Variants in PARD3 observed in about 807,000 individuals in gnomAD.
The protein encoded by PARD3 is partitioning defective 3 homolog.
PARD3 carries 75 observed loss-of-function variants against 155.4 expected under a neutral mutation model. The observed-to-expected ratio is 0.48, with a 90% CI of 0.40 to 0.58. The LOEUF (loss-of-function observed/expected upper bound fraction) is 0.58. Ranked by LOEUF, PARD3 falls within the 20% of genes least tolerant of loss-of-function variation. PARD3 has a pLI of 0.00. For synonymous variants in PARD3, 576 were observed against 610.5 expected (o/e 0.94, Z 0.83); for missense variants, 1,642 against 1,721.7 (o/e 0.95, Z 0.82).
chr10:34,442,927 A>G (rs1159592587), intron 5 of PARD3, among the ~76,000 whole-genome samples: 1 of 152,204 alleles, frequency 6.6e-6, no homozygotes, highest in Non-Finnish European at 1.5e-5. Context: ...TACTCCAGAA[A>G]ACATCTTCTT....
At chr10:34,579,212 G>A (rs1451686043) in intron 2 of PARD3, among the ~76,000 whole-genome samples, 1 of 151,738 alleles carries the variant, frequency 6.6e-6, no homozygotes, top group African/African-American at 2.4e-5. Flanking sequence ...AGAGGTTGCA[G>A]TGAGCCAAGA....
chr10:34,295,745 A>C (rs1956877463), intron 20 of PARD3, among the ~76,000 whole-genome samples: 1 of 152,176 alleles, frequency 6.6e-6, no homozygotes, highest in Non-Finnish European at 1.5e-5. Context: ...ATATACACAA[A>C]TCTCAGTGGG....
At chr10:34,791,258 G>A (rs1418335482) in intron 1 of PARD3, among the ~76,000 whole-genome samples, 1 of 152,106 alleles carries the variant, frequency 6.6e-6, no homozygotes, top group Non-Finnish European at 1.5e-5. Context: ...GCCAACGCAG[G>A]CAACCCTGAC....
At chr10:34,345,154 A>C in intron 15 of PARD3, 1 of 985,370 alleles carries the variant, frequency 1.0e-6, no homozygotes, top group Non-Finnish European at 1.2e-6. Context: ...GCCAAAAACA[A>C]AGTAAAACAA....
chr10:34,729,046 A>G lies in PARD3; in HGVS notation c.121-32627T>C, dbSNP rs529636928. Among the ~76,000 whole-genome samples the G allele has an allele frequency of 2.6e-5, 4 of 152,330 alleles. No individual in the cohort carries two copies. The East Asian group carries it at 7.7e-4, about 29-fold the overall frequency. On this transcript the variant is annotated intron_variant, in intron 1 of 24. Transcript: ENST00000374788. Reference sequence around the variant, plus strand: ...AGGCTGTACAGGTTTGCAGTCCAGGAGCAACAGGTTAGACCACACAGCCGA... The same window carrying G: ...AGGCTGTACAGGTTTGCAGTCCAGGGGCAACAGGTTAGACCACACAGCCGA...
chr10:34,526,022 C>T (rs1051616116), intron 2 of PARD3, among the ~76,000 whole-genome samples: 7 of 130,150 alleles, frequency 5.4e-5, no homozygotes, highest in East Asian at 2.5e-4. Context: ...ATGGAGGTTG[C>T]GGTGAGCCAA....
intron 1 of PARD3, among the ~76,000 whole-genome samples, chr10:34,789,453 T>C (rs1841387055): frequency 6.6e-6 from 1 of 152,078 alleles, no homozygotes; most frequent in African/African-American, 2.4e-5. Context: ...ATCGAAACAC[T>C]TTGGCTGGCC....
intron 20 of PARD3, among the ~76,000 whole-genome samples, chr10:34,316,028 C>G (rs1311367144): frequency 6.6e-6 from 1 of 152,214 alleles, no homozygotes; most frequent in Non-Finnish European, 1.5e-5. Flanking sequence ...TCTGACTTAT[C>G]TATACCTCCC....
intron 2 of PARD3, among the ~76,000 whole-genome samples, chr10:34,610,905 TG>T (rs962850259): frequency 6.6e-6 from 1 of 151,734 alleles, no homozygotes; most frequent in Non-Finnish European, 1.5e-5. Flanking sequence ...TGGGGAGAGG[TG>T]GGGGGGAGTT....
intron 5 of PARD3, among the ~76,000 whole-genome samples, chr10:34,414,873 G>A (rs1379938219): frequency 6.6e-6 from 1 of 151,954 alleles, no homozygotes; most frequent in East Asian, 1.9e-4. Flanking sequence ...ACTGGGAAAA[G>A]GAAACTGAAA....
intron 3 of PARD3, among the ~76,000 whole-genome samples, chr10:34,484,017 T>C (rs749929622): frequency 1.3e-5 from 2 of 152,216 alleles, no homozygotes; most frequent in African/African-American, 2.4e-5. Flanking sequence ...AGACTAACTG[T>C]GCTTAGGAAT....
intron 22 of PARD3, among the ~76,000 whole-genome samples, chr10:34,167,458 C>T (rs1268664959): frequency 2.6e-5 from 4 of 151,764 alleles, no homozygotes; most frequent in Non-Finnish European, 4.4e-5. Context: ...TGAAAAGGTG[C>T]TCCATAAATG....
intron 1 of PARD3, among the ~76,000 whole-genome samples, chr10:34,812,917 C>T (rs1844380563): frequency 6.6e-6 from 1 of 152,186 alleles, no homozygotes. Flanking sequence ...AGGACCAGGT[C>T]CGTGACCAAG....
chr10:34,265,922 C>A (rs948566917), intron 22 of PARD3, among the ~76,000 whole-genome samples: 2 of 152,116 alleles, frequency 1.3e-5, no homozygotes, highest in African/African-American at 4.8e-5. Flanking sequence ...AAGGGATGGG[C>A]AAGACTGTGG....
chr10:34,384,655 T>C lies in PARD3; in HGVS notation c.891-401A>G, dbSNP rs543437798. On this transcript the variant is annotated intron_variant, in intron 7 of 24. Coordinates refer to ENST00000374788, the MANE Select transcript of PARD3 (RefSeq NM_001184785.2). ...CTGGCACGCTAGCTTAAAAGACGAC[T>C]GCAACTCCCATCTTTCTGTGAAAGT... is the stretch of plus-strand genomic sequence containing the variant. 1.4e-4 allele frequency among the ~76,000 whole-genome samples: 22 copies of C among 152,314 alleles called. No individual in the cohort carries two copies. In the South Asian group the frequency reaches 4.4e-3, roughly 30 times the overall value.
At chr10:34,457,689 C>A (rs541749774) in intron 4 of PARD3, among the ~76,000 whole-genome samples, 1 of 152,210 alleles carries the variant, frequency 6.6e-6, no homozygotes, top group African/African-American at 2.4e-5. Flanking sequence ...CAACCTCCAC[C>A]TCCCGGGCTC....
chr10:34,221,788 T>C lies in PARD3; in HGVS notation c.3419+47869A>G, dbSNP rs192330152. Among the ~76,000 whole-genome samples the C allele has an allele frequency of 1.3e-3, 197 of 152,356 alleles. 1 individual carries two copies. Among genetic ancestry groups the C allele is most frequent in the Non-Finnish European group, 1.8e-3 (120 of 68,026 alleles). ...GTCAAGGGTGTGGGGACAATGTCCA[T>C]GTGTAAAGAAATGAGATACAAACCG... On this transcript the variant is annotated intron_variant, in intron 22 of 24. Transcript: ENST00000374788.
chr10:34,328,843 T>C (rs951758794), intron 19 of PARD3, among the ~76,000 whole-genome samples: 7 of 152,204 alleles, frequency 4.6e-5, no homozygotes, highest in African/African-American at 1.7e-4. Flanking sequence ...GTTTGGAATT[T>C]ACAATAGTTG....
chr10:34,683,690 C>T (rs1438767158), intron 2 of PARD3, among the ~76,000 whole-genome samples: 2 of 152,102 alleles, frequency 1.3e-5, no homozygotes, highest in East Asian at 1.9e-4. Context: ...TGAGGGCTTT[C>T]GCTAGAAGGA....
Sources: gnomAD v4.1 joint callset for allele counts (sites outside exome capture counted in the v4.1 genomes callset) on GRCh38, gnomAD v4.1.1 for gene constraint, MANE v1.5 for transcripts, NCBI Gene and HGNC (gene_info 2026-07-23, HGNC 2026-07-21) for gene names.